The following AEBP2 variants were observed in gnomAD, a reference collection of about 807,000 sequenced individuals.
The protein encoded by AEBP2 is AE binding protein 2.
Under a neutral mutation model 50.8 loss-of-function variants are expected in AEBP2, and 10 were observed. That is an observed-to-expected ratio of 0.20 (90% CI 0.12 to 0.33). AEBP2 has a LOEUF of 0.33. Among genes scored for constraint, AEBP2 ranks in the 10% least tolerant of loss-of-function variants. AEBP2 has a pLI of 1.00. For missense variants in AEBP2, 570 were observed against 688.0 expected, an observed-to-expected ratio of 0.83 and a Z score of 1.92; for synonymous variants, 296 against 261.3, an observed-to-expected ratio of 1.13 and a Z score of -1.28.
In AEBP2 at chr12:19,455,067, A is replaced by G. The variant is rs115481222; in HGVS notation, c.672-7443A>G. Among the ~76,000 whole-genome samples the G allele has an allele frequency of 8.6e-3, 1,310 of 151,952 alleles. 22 individuals are homozygous for G. The highest frequency in any genetic ancestry group is 0.03 in the African/African-American group (1,257 of 41,400). ...ATCCAGGCTGGAGTGCAGTGGCACAATCATAGCTCACTGCAGCCTTGGACT... is the reference window on the plus strand; with the variant it reads ...ATCCAGGCTGGAGTGCAGTGGCACAGTCATAGCTCACTGCAGCCTTGGACT... On this transcript the variant is annotated intron_variant, in intron 1 of 7. Coordinates refer to ENST00000266508, the MANE Select transcript of AEBP2 (RefSeq NM_153207.5).
intron 1 of AEBP2, among the ~76,000 whole-genome samples, chr12:19,411,762 C>T (rs895581004): frequency 5.3e-5 from 8 of 152,222 alleles, no homozygotes; most frequent in African/African-American, 1.7e-4. Flanking sequence ...TCCAGGGAAA[C>T]TAGCATTTAA....
At chr12:19,496,281 T>C (rs1326439284) in intron 4 of AEBP2, among the ~76,000 whole-genome samples, 1 of 152,186 alleles carries the variant, frequency 6.6e-6, no homozygotes, top group Non-Finnish European at 1.5e-5. Context: ...CATATTAACT[T>C]AGCTAGTAAG....
chr12:19,447,541 A>G (rs553378704), intron 1 of AEBP2, among the ~76,000 whole-genome samples: 1 of 152,344 alleles, frequency 6.6e-6, no homozygotes, highest in Non-Finnish European at 1.5e-5. Context: ...CCGTCACTAG[A>G]ATAACTAAAG....
chr12:19,512,447 A>G lies in AEBP2; in HGVS notation c.1349A>G (p.His450Arg). ...EDSGKIKLLL[H>R]WMPEDILPDV... Reference sequence around the variant, plus strand: ...TCTGGGAAGATCAAACTTTTGCTTCATTGGATGCCTGAAGACATGTAAGTA... The same window carrying G: ...TCTGGGAAGATCAAACTTTTGCTTCGTTGGATGCCTGAAGACATGTAAGTA... The change falls in exon 6 of 8, where the codon CAT becomes CGT. Residue 450 changes from histidine (H) to arginine (R), a missense_variant. His to Arg is a conservative substitution (Grantham distance 29). Around this residue, in one of 2 missense-constraint regions of AEBP2, gnomAD observed 184 missense variants for 351.2 expected, o/e 0.52. Transcript: ENST00000266508. 1 of 1,577,912 alleles carries G rather than the reference A, an allele frequency of 6.3e-7. No individual in the cohort carries two copies. Among genetic ancestry groups the G allele is most frequent in the Admixed American group, 1.8e-5 (1 of 55,504 alleles).
intron 1 of AEBP2, among the ~76,000 whole-genome samples, chr12:19,460,650 C>A (rs536271633): frequency 6.6e-6 from 1 of 150,664 alleles, no homozygotes. Flanking sequence ...CCACGCCCGG[C>A]CTGAAAGTTT....
chr12:19,519,455 A>G lies in AEBP2; in HGVS notation c.*1338A>G, dbSNP rs903436556. ...CAAAACACATTGAACATCCTTCCAG[A>G]AAGTCTTTGAGGGAGGACCTATACC... is the stretch of plus-strand genomic sequence containing the variant. On this transcript the variant is annotated 3_prime_UTR_variant, in exon 8 of 8. Transcript: ENST00000266508. The G allele has an allele frequency of 2.0e-5, 3 of 152,570 alleles. No homozygotes were observed. Among genetic ancestry groups the G allele is most frequent in the African/African-American group, 7.2e-5 (3 of 41,448 alleles). 9.5% of individuals were successfully genotyped at this position (152,570 alleles called of 1,614,324 possible).
At position 19,521,272 on chromosome 12, in the gene AEBP2, A is replaced by G. The variant is rs1949394307; in HGVS notation, c.*3155A>G. ...GTAATAAGCCAGTACATTAAATTTT[A>G]GTGAAAGCTGTTTCATGTATTTTAC... is the stretch of plus-strand genomic sequence containing the variant. On this transcript the variant is annotated 3_prime_UTR_variant, in exon 8 of 8. Transcript: ENST00000266508. 1 of 152,330 alleles carries G rather than the reference A, an allele frequency of 6.6e-6. No individual in the cohort carries two copies. The highest frequency in any genetic ancestry group is 2.4e-5 in the African/African-American group (1 of 41,590). 9.4% of individuals were successfully genotyped at this position (152,330 alleles called of 1,614,324 possible).
At chr12:19,448,381 A>G (rs893533272) in intron 1 of AEBP2, among the ~76,000 whole-genome samples, 2 of 152,048 alleles carry the variant, frequency 1.3e-5, no homozygotes, top group Non-Finnish European at 2.9e-5. Context: ...GCTACTTGGG[A>G]GGCTGAGGCA....
At chr12:19,467,852 T>G (rs567200042) in intron 2 of AEBP2, among the ~76,000 whole-genome samples, 1 of 152,256 alleles carries the variant, frequency 6.6e-6, no homozygotes, top group South Asian at 2.1e-4. Flanking sequence ...AGGTTTACTT[T>G]TGCATATATT....
chr12:19,508,326 G>A (rs10841249), intron 5 of AEBP2, among the ~76,000 whole-genome samples: 24,554 of 152,080 alleles, frequency 0.16, 3,465 homozygotes, highest in African/African-American at 0.38. Context: ...CTCCCAAAGT[G>A]CTGGGATTAT....
chr12:19,484,460 C>T lies in AEBP2; in HGVS notation c.988-9340C>T, dbSNP rs560318305. The stretch of plus-strand genomic sequence containing the variant: ...TGTGATCTCGGTTCACTGCAACCTC[C>T]GCTTCCCATGTTCAAGTGATTCTCC... On this transcript the variant is annotated intron_variant, in intron 3 of 7. Transcript: ENST00000266508. 1.0e-3 allele frequency among the ~76,000 whole-genome samples: 152 copies of T among 150,472 alleles called. 1 individual carries two copies. The highest frequency in any genetic ancestry group is 3.5e-3 in the African/African-American group (142 of 40,866).
Position 19,520,500 on chromosome 12 carries a change from T to C in AEBP2, c.*2383T>C, listed in dbSNP as rs573879952. The C allele has an allele frequency of 6.6e-6, 1 of 152,324 alleles. No individual in the cohort carries two copies. The highest frequency in any genetic ancestry group is 1.5e-5 in the Non-Finnish European group (1 of 68,024). The allele number at this position is 152,324 out of a possible 1,614,324, so 9.4% of individuals were successfully genotyped here. On this transcript the variant is annotated 3_prime_UTR_variant, in exon 8 of 8. Transcript: ENST00000266508. The stretch of plus-strand genomic sequence containing the variant: ...GCTTTATAACTTGTATGTATACATA[T>C]ATACACATAACATCCAATTATGACT...
chr12:19,514,204 T>C (rs1405252428), intron 6 of AEBP2, among the ~76,000 whole-genome samples: 1 of 152,122 alleles, frequency 6.6e-6, no homozygotes, highest in African/African-American at 2.4e-5. Flanking sequence ...TTCACCATGT[T>C]GGCCAGTGTG....
At chr12:19,434,277 G>A (rs1487138736) in intron 1 of AEBP2, among the ~76,000 whole-genome samples, 2 of 151,348 alleles carry the variant, frequency 1.3e-5, no homozygotes, top group African/African-American at 4.9e-5. Flanking sequence ...GGGTTCAAGC[G>A]ATTCTCCTGC....
chr12:19,431,267 C>A (rs1444221872), intron 1 of AEBP2, among the ~76,000 whole-genome samples: 1 of 152,140 alleles, frequency 6.6e-6, no homozygotes. Flanking sequence ...TTTTATATTT[C>A]ACTTATTAAA....
intron 1 of AEBP2, among the ~76,000 whole-genome samples, chr12:19,417,159 A>G (rs1052837122): frequency 1.3e-5 from 2 of 152,070 alleles, no homozygotes; most frequent in African/African-American, 4.8e-5. Context: ...GGCGTAAACC[A>G]CTGCGCCCGG....
At chr12:19,496,725 A>C (rs1484991315) in intron 4 of AEBP2, among the ~76,000 whole-genome samples, 1 of 150,350 alleles carries the variant, frequency 6.7e-6, no homozygotes, top group Non-Finnish European at 1.5e-5. Context: ...GCAGTGGTGC[A>C]ATCATGACTC....
intron 5 of AEBP2, 67 bp downstream of exon 5, chr12:19,500,288 T>C (rs1949048501): frequency 7.6e-7 from 1 of 1,312,688 alleles, no homozygotes; most frequent in Non-Finnish European, 1.0e-6. Context: ...CACAATCATT[T>C]CTAAATCTCT....
intron 3 of AEBP2, among the ~76,000 whole-genome samples, chr12:19,489,990 CTTTTTTTTTTTTT>C (rs71067029): frequency 6.1e-4 from 29 of 47,702 alleles, no homozygotes; most frequent in South Asian, 2.8e-3. Flanking sequence ...TTAAAATAAA[CTTTTTTTTTTTTT>C]TTTTTTTTTT....
Sources: allele counts gnomAD v4.1 joint callset (sites outside exome capture counted in the v4.1 genomes callset), GRCh38; gene constraint gnomAD v4.1.1; regional missense constraint gnomAD v4.1.1; transcripts MANE v1.5; gene names NCBI Gene and HGNC (gene_info 2026-07-23, HGNC 2026-07-21).